The following DFFA variants were observed in gnomAD, a reference collection of about 807,000 sequenced individuals.
DFFA encodes the protein DNA fragmentation factor subunit alpha.
In DFFA, 14 loss-of-function variants were observed where a neutral mutation model predicts 28.0. That is an observed-to-expected ratio of 0.50 (90% CI 0.33 to 0.78). The LOEUF is 0.78. DFFA is among the 30% of genes least tolerant of loss of function. DFFA has a pLI of 0.02. For missense variants in DFFA, 395 were observed against 407.1 expected (o/e 0.97, Z 0.26); for synonymous variants, 158 against 170.3 (o/e 0.93, Z 0.56).
chr1:10,467,826 C>G (rs1284980502), intron 2 of DFFA, among the ~76,000 whole-genome samples: 1 of 152,154 alleles, frequency 6.6e-6, no homozygotes, highest in Non-Finnish European at 1.5e-5. Flanking sequence ...TCATCTTTAT[C>G]TCTGTGTGCA....
Position 10,461,483 on chromosome 1 carries a change from G to T in DFFA, c.*7C>A. 6.2e-7 allele frequency: 1 copy of T among 1,612,030 alleles called. No individual in the cohort carries two copies. Among genetic ancestry groups the T allele is most frequent in the Non-Finnish European group, 8.5e-7 (1 of 1,178,972 alleles). ...ACAGAGCTTCCTTGGCACACTTCCC[G>T]CTGCTGCTATGTGGGATCCTGTCTG... On this transcript the variant is annotated 3_prime_UTR_variant, in exon 6 of 6. Coordinates refer to ENST00000377038, the MANE Select transcript of DFFA (RefSeq NM_004401.3).
At chr1:10,463,826 A>T (rs903854926) in intron 3 of DFFA, among the ~76,000 whole-genome samples, 2 of 151,646 alleles carry the variant, frequency 1.3e-5, no homozygotes, top group African/African-American at 2.4e-5. Context: ...TACCAAGCCC[A>T]GCTAATTTTT....
rs567338346 is a variant in DFFA at position 10,458,087 on chromosome 1, T to C, written c.*3403A>G. 9 of 152,214 alleles carry C rather than the reference T, an allele frequency of 5.9e-5. No homozygotes were observed. Among genetic ancestry groups the C allele is most frequent in the Non-Finnish European group, 1.2e-4 (8 of 68,030 alleles). 9.4% of individuals were successfully genotyped at this position (152,214 alleles called of 1,614,324 possible). ...GTAAATCAAGGACAGACACGTTTACTGTTCTGGGAAATCCCATTTCCAAGG... is the reference window on the plus strand; with the variant it reads ...GTAAATCAAGGACAGACACGTTTACCGTTCTGGGAAATCCCATTTCCAAGG... On this transcript the variant is annotated 3_prime_UTR_variant, in exon 6 of 6. Coordinates refer to ENST00000377038, the MANE Select transcript of DFFA (RefSeq NM_004401.3).
intron 1 of DFFA, among the ~76,000 whole-genome samples, chr1:10,469,881 A>G (rs1392738129): frequency 6.8e-6 from 1 of 146,898 alleles, no homozygotes; most frequent in Admixed American, 6.9e-5. Flanking sequence ...CAGTAGTACA[A>G]TCTTGGTTCA....
rs753891541 is a variant in DFFA at position 10,459,313 on chromosome 1, G to A, written c.*2177C>T. 3.3e-5 allele frequency: 5 copies of A among 152,312 alleles called. No homozygotes were observed. The highest frequency in any genetic ancestry group is 1.9e-4 in the East Asian group (1 of 5,188). The allele number at this position is 152,312 out of a possible 1,614,324, so 9.4% of individuals were successfully genotyped here. Reference sequence around the variant, plus strand: ...GTAGATTACCAAACCTGCAGAAGCCGTCTGTGTGGAGACAGGAGGAGGACA... The same window carrying A: ...GTAGATTACCAAACCTGCAGAAGCCATCTGTGTGGAGACAGGAGGAGGACA... On this transcript the variant is annotated 3_prime_UTR_variant, in exon 6 of 6. Coordinates refer to ENST00000377038, the MANE Select transcript of DFFA (RefSeq NM_004401.3).
At chr1:10,469,084 A>C in intron 2 of DFFA, 93 bp downstream of exon 2, 10 of 1,319,190 alleles carry the variant, frequency 7.6e-6, no homozygotes, top group Non-Finnish European at 1.1e-5. Context: ...ATGCTTAAAA[A>C]GCCAGACAAA....
chr1:10,462,891 T>C, intron 5 of DFFA, 167 bp downstream of exon 5: 1 of 1,428,484 alleles, frequency 7.0e-7, no homozygotes, highest in Non-Finnish European at 9.2e-7. Flanking sequence ...TATTTTGATT[T>C]AGATTAATGA....
At chr1:10,468,046 C>G (rs1641046541) in intron 2 of DFFA, among the ~76,000 whole-genome samples, 1 of 152,134 alleles carries the variant, frequency 6.6e-6, no homozygotes, top group East Asian at 1.9e-4. Context: ...CGATTGCTGT[C>G]CCTTAGGCCT....
chr1:10,470,594 T>C (rs1641084129), intron 1 of DFFA, among the ~76,000 whole-genome samples: 1 of 150,378 alleles, frequency 6.6e-6, no homozygotes, highest in Admixed American at 6.6e-5. Context: ...CCGGCTAATT[T>C]TTTTGTATTT....
intron 5 of DFFA, among the ~76,000 whole-genome samples, chr1:10,462,076 T>C (rs578039455): frequency 6.0e-4 from 91 of 152,304 alleles, no homozygotes; most frequent in African/African-American, 2.1e-3. Flanking sequence ...GCCAGGATGG[T>C]CTCGATCTCC....
chr1:10,460,395 A>C lies in DFFA; in HGVS notation c.*1095T>G, dbSNP rs1206258741. On this transcript the variant is annotated 3_prime_UTR_variant, in exon 6 of 6. Transcript: ENST00000377038. Reference sequence around the variant, plus strand: ...AGGCACCCGCCATCATGCCCAGCTAATTTTTGTATTTTTAGTAGAGACGGG... The same window carrying C: ...AGGCACCCGCCATCATGCCCAGCTACTTTTTGTATTTTTAGTAGAGACGGG... The C allele has an allele frequency of 7.1e-6, 1 of 140,220 alleles. No individual in the cohort carries two copies. 8.7% of individuals were successfully genotyped at this position (140,220 alleles called of 1,614,324 possible).
intron 2 of DFFA, among the ~76,000 whole-genome samples, 161 bp downstream of exon 2, chr1:10,469,016 C>T (rs1641057773): frequency 6.6e-6 from 1 of 152,116 alleles, no homozygotes; most frequent in African/African-American, 2.4e-5. Flanking sequence ...TCTTTATCCC[C>T]AGGACTCAGC....
In DFFA at chr1:10,461,463, G is replaced by T. The variant is rs75387702; in HGVS notation, c.*27C>A. 7.0e-4 allele frequency: 1,122 copies of T among 1,603,174 alleles called. 7 individuals carry two copies. The African/African-American group carries it at 0.013, about 18-fold the overall frequency. On this transcript the variant is annotated 3_prime_UTR_variant, in exon 6 of 6. Coordinates refer to ENST00000377038, the MANE Select transcript of DFFA (RefSeq NM_004401.3). ...TCTACCAATAACACAACGCCACAGA[G>T]CTTCCTTGGCACACTTCCCGCTGCT... is the stretch of plus-strand genomic sequence containing the variant.
intron 1 of DFFA, among the ~76,000 whole-genome samples, chr1:10,470,229 CT>C (rs1204558329): frequency 6.6e-6 from 1 of 152,062 alleles, no homozygotes; most frequent in Non-Finnish European, 1.5e-5. Context: ...AGTAACTTGT[CT>C]AAGATCACAC....
Position 10,461,447 on chromosome 1 carries a change from AAC to A in DFFA, c.*41_*42del, listed in dbSNP as rs1185585712. 1 of 1,583,584 alleles carries A rather than the reference AAC, an allele frequency of 6.3e-7. No homozygotes were observed. The highest frequency in any genetic ancestry group is 1.7e-4 in the Middle Eastern group (1 of 6,008). Reference sequence around the variant, plus strand: ...GATGAGGCTGAGGGTGTCTACCAATAACACAACGCCACAGAGCTTCCTTGGCA... The same window carrying A: ...GATGAGGCTGAGGGTGTCTACCAATAACAACGCCACAGAGCTTCCTTGGCA... On this transcript the variant is annotated 3_prime_UTR_variant, in exon 6 of 6. Coordinates refer to ENST00000377038, the MANE Select transcript of DFFA (RefSeq NM_004401.3).
intron 3 of DFFA, 140 bp downstream of exon 3, chr1:10,467,050 C>A: frequency 1.1e-5 from 10 of 904,262 alleles, no homozygotes; most frequent in Non-Finnish European, 9.2e-6. Context: ...GATGAAAAAT[C>A]TTAGTTGTAA....
At position 10,463,569 on chromosome 1, in the gene DFFA, A is replaced by G. The variant is rs78046004; in HGVS notation, c.493T>C (p.Cys165Arg). Residue 165 changes from cysteine to arginine, a missense_variant, in exon 4 of 6, where the codon TGT becomes CGT. Physicochemically the swap from Cys to Arg is radical, Grantham distance 180 (BLOSUM62 -3). Coordinates refer to ENST00000377038, the MANE Select transcript of DFFA (RefSeq NM_004401.3). ...SDLAQELRQS[C>R]ATVQRLQHTL... ...TGCTGCAGCCGCTGGACGGTGGCAC[A>G]ACTCTGACGTAGTTCCTGAGCCAGG... 3,926 of 1,614,202 alleles carry G rather than the reference A, an allele frequency of 2.4e-3. 43 individuals are homozygous for G. In the African/African-American group the frequency reaches 0.026, roughly 11 times the overall value.
rs1158076280 is a variant in DFFA at position 10,459,250 on chromosome 1, A to G, written c.*2240T>C. 1.3e-5 allele frequency: 2 copies of G among 152,242 alleles called. No homozygotes were observed. The highest frequency in any genetic ancestry group is 2.9e-5 in the Non-Finnish European group (2 of 68,056). The allele number at this position is 152,242 out of a possible 1,614,324, so 9.4% of individuals were successfully genotyped here. A position where few individuals can be genotyped will look rare whatever the true frequency, so the allele number is the denominator to read the frequency against. On this transcript the variant is annotated 3_prime_UTR_variant, in exon 6 of 6. Coordinates refer to ENST00000377038, the MANE Select transcript of DFFA (RefSeq NM_004401.3). ...GCATAAAAAGTGGTCAAATAAGTCC[A>G]TGATGACTCATCACCTTTTCCCTGC... is the stretch of plus-strand genomic sequence containing the variant.
chr1:10,469,379 A>G (rs897664500), intron 1 of DFFA, 41 bp from the exon 2 acceptor site: 2 of 1,594,290 alleles, frequency 1.3e-6, no homozygotes, highest in African/African-American at 2.7e-5. Context: ...AAATAACCGT[A>G]AGGAAATTAC....
Sources: allele counts gnomAD v4.1 joint callset (sites outside exome capture counted in the v4.1 genomes callset), GRCh38; gene constraint gnomAD v4.1.1; transcripts MANE v1.5; gene names NCBI Gene and HGNC (gene_info 2026-07-23, HGNC 2026-07-21).